Variants in CDH8 observed in about 807,000 individuals in gnomAD.
The protein encoded by CDH8 is cadherin-8.
Under a neutral mutation model 68.1 loss-of-function variants are expected in CDH8, and 17 were observed. The observed-to-expected ratio is 0.25, with a 90% CI of 0.17 to 0.37. CDH8 has a LOEUF of 0.37. Among genes scored for constraint, CDH8 ranks in the 10% least tolerant of loss-of-function variants. The probability of loss-of-function intolerance (pLI) is 1.00; values close to 1 mark genes in which losing one functional copy is unlikely to be tolerated. For missense variants in CDH8, 763 were observed against 999.3 expected (o/e 0.76, Z 3.19); for synonymous variants, 372 against 365.1 (o/e 1.02, Z -0.21).
intron 2 of CDH8, among the ~76,000 whole-genome samples, chr16:62,009,031 C>CA (rs11305570): frequency 1.0e-3 from 147 of 141,002 alleles, no homozygotes; most frequent in Middle Eastern, 3.8e-3. Flanking sequence ...TATACACACA[C>CA]AAAAAAAAAA....
chr16:61,774,255 G>A (rs184177582), intron 8 of CDH8, among the ~76,000 whole-genome samples: 58 of 152,094 alleles, frequency 3.8e-4, no homozygotes, highest in African/African-American at 1.4e-3. Context: ...AAGGTTCCAA[G>A]ATCAGAAGCC....
chr16:61,874,933 G>T (rs927709261), intron 3 of CDH8, among the ~76,000 whole-genome samples: 14 of 152,150 alleles, frequency 9.2e-5, no homozygotes, highest in Non-Finnish European at 1.9e-4. Context: ...GTTTTTGCAA[G>T]ACAGAGTGCT....
At chr16:61,863,722 C>T (rs965397157) in intron 3 of CDH8, among the ~76,000 whole-genome samples, 1 of 152,088 alleles carries the variant, frequency 6.6e-6, no homozygotes, top group African/African-American at 2.4e-5. Context: ...GGGGCAGAAC[C>T]TTTGCAATAA....
intron 4 of CDH8, among the ~76,000 whole-genome samples, chr16:61,834,655 G>T (rs911066722): frequency 2.0e-5 from 3 of 151,820 alleles, no homozygotes; most frequent in Non-Finnish European, 4.4e-5. Flanking sequence ...ATGAATTCAT[G>T]AAAAAACAAT....
At chr16:61,723,801 A>G (rs1959261865) in intron 9 of CDH8, among the ~76,000 whole-genome samples, 1 of 150,564 alleles carries the variant, frequency 6.6e-6, no homozygotes, top group African/African-American at 2.4e-5. Flanking sequence ...CATTTTTGCC[A>G]TGGACGTTAG....
intron 10 of CDH8, among the ~76,000 whole-genome samples, chr16:61,694,939 G>A (rs1164899282): frequency 6.6e-6 from 1 of 151,838 alleles, no homozygotes; most frequent in African/African-American, 2.4e-5. Context: ...GCGCCACCAC[G>A]CCTGGCTAAT....
chr16:61,778,226 C>T, intron 8 of CDH8, among the ~76,000 whole-genome samples: 1 of 152,090 alleles, frequency 6.6e-6, no homozygotes, highest in Non-Finnish European at 1.5e-5. Context: ...AAGGGAATAG[C>T]TATCAATCTT....
At chr16:61,709,411 G>A (rs1236810594) in intron 10 of CDH8, among the ~76,000 whole-genome samples, 1 of 152,124 alleles carries the variant, frequency 6.6e-6, no homozygotes, top group Non-Finnish European at 1.5e-5. Context: ...CTGGAGAAAA[G>A]AGGAAGGACA....
At chr16:61,885,512 A>G (rs185035899) in intron 3 of CDH8, among the ~76,000 whole-genome samples, 86 of 152,334 alleles carry the variant, frequency 5.6e-4, no homozygotes, top group Admixed American at 2.9e-3. Flanking sequence ...AGGCTTTCAC[A>G]AGGCACTTAA....
chr16:61,737,749 T>C (rs987987808), intron 8 of CDH8, among the ~76,000 whole-genome samples: 6 of 152,154 alleles, frequency 3.9e-5, no homozygotes, highest in Admixed American at 1.3e-4. Flanking sequence ...CAGTATTGTT[T>C]TTATGCATTC....
At chr16:62,029,637 T>A (rs1402172574) in intron 1 of CDH8, among the ~76,000 whole-genome samples, 1 of 152,216 alleles carries the variant, frequency 6.6e-6, no homozygotes, top group African/African-American at 2.4e-5. Flanking sequence ...TGAGCTATTC[T>A]CTTTCAATCA....
At chr16:61,770,878 C>T (rs1960760120) in intron 8 of CDH8, among the ~76,000 whole-genome samples, 1 of 151,786 alleles carries the variant, frequency 6.6e-6, no homozygotes, top group South Asian at 2.1e-4. Flanking sequence ...GATAGGTGGG[C>T]AAAAAATGTG....
intron 7 of CDH8, among the ~76,000 whole-genome samples, chr16:61,800,703 A>G (rs1489028189): frequency 6.6e-6 from 1 of 152,184 alleles, no homozygotes; most frequent in Non-Finnish European, 1.5e-5. Context: ...CTCATGGGGT[A>G]GAGCTAATAA....
intron 8 of CDH8, among the ~76,000 whole-genome samples, chr16:61,732,728 A>G (rs16963894): frequency 0.015 from 2,344 of 152,002 alleles, 32 homozygotes; most frequent in Middle Eastern, 0.027. Flanking sequence ...CCCTTATAAA[A>G]GACTGTATAA....
At chr16:62,002,516 T>C (rs187297113) in intron 2 of CDH8, among the ~76,000 whole-genome samples, 5 of 152,320 alleles carry the variant, frequency 3.3e-5, no homozygotes, top group Admixed American at 3.3e-4. Context: ...CCCTAAGTGT[T>C]CCACCTATTG....
At chr16:61,753,309 G>C (rs1006719022) in intron 8 of CDH8, among the ~76,000 whole-genome samples, 1 of 150,566 alleles carries the variant, frequency 6.6e-6, no homozygotes, top group Non-Finnish European at 1.5e-5. Flanking sequence ...GTGCAATCTC[G>C]GCTCACTGCA....
intron 2 of CDH8, among the ~76,000 whole-genome samples, chr16:61,976,579 C>T: frequency 6.6e-6 from 1 of 152,264 alleles, no homozygotes; most frequent in Middle Eastern, 3.4e-3. Context: ...TTTTAACAGA[C>T]TTCTCATTGA....
intron 10 of CDH8, among the ~76,000 whole-genome samples, chr16:61,660,008 G>C (rs79186862): frequency 0.033 from 5,045 of 152,188 alleles, 282 homozygotes; most frequent in African/African-American, 0.12. Flanking sequence ...AGGCAATCAA[G>C]GAGAGCCCTG....
intron 3 of CDH8, among the ~76,000 whole-genome samples, chr16:61,859,023 C>A (rs1963102762): frequency 1.3e-5 from 2 of 152,088 alleles, no homozygotes; most frequent in African/African-American, 4.8e-5. Context: ...CCGTCAATAT[C>A]TTTTGGAAGT....
Sources: allele counts gnomAD v4.1 joint callset (sites outside exome capture counted in the v4.1 genomes callset), GRCh38; gene constraint gnomAD v4.1.1; transcripts MANE v1.5; gene names NCBI Gene and HGNC (gene_info 2026-07-23, HGNC 2026-07-21).